The following ATP13A2 variants were observed in gnomAD, a reference collection of about 807,000 sequenced individuals.
ATP13A2 encodes ATPase cation transporting 13A2, also known as polyamine-transporting ATPase 13A2.
In ATP13A2, 83 loss-of-function variants were observed where a neutral mutation model predicts 138.3. The ratio of observed to expected loss-of-function variants is 0.60; its 90% CI spans 0.50 to 0.72. The LOEUF (loss-of-function observed/expected upper bound fraction) is 0.72. Among genes scored for constraint, ATP13A2 ranks in the 30% least tolerant of loss-of-function variants. ATP13A2 has a pLI of 0.00. For synonymous variants in ATP13A2, 663 were observed against 699.0 expected (o/e 0.95, Z 0.81); for missense variants, 1,402 against 1,606.4 (o/e 0.87, Z 2.17).
rs773702054 is a variant in ATP13A2 at position 16,996,473 on chromosome 1, G to C, written c.1219C>G (p.Leu407Val). The change falls in exon 13 of 29, where the codon CTG (leucine) becomes GTG (valine). Residue 407 changes from leucine to valine, a missense_variant. Leu to Val is a conservative substitution (Grantham distance 32). Transcript: ENST00000326735. ...CGGGGGTGCAAGATGGAGCTCACCA[G>C]GCCCCCTTTTGCCGTGCAGAACCCT... is the stretch of plus-strand genomic sequence containing the variant. ...RTGFCTAKGGLVSSILHPRPI... is the reference protein window; with the variant it reads ...RTGFCTAKGGVVSSILHPRPI... 2 of 1,613,928 alleles carry C rather than the reference G, an allele frequency of 1.2e-6. No individual in the cohort carries two copies. Among genetic ancestry groups the C allele is most frequent in the Non-Finnish European group, 1.7e-6 (2 of 1,180,016 alleles).
chr1:16,999,156 A>G (rs530319428), intron 11 of ATP13A2, among the ~76,000 whole-genome samples: 4 of 152,138 alleles, frequency 2.6e-5, no homozygotes, highest in South Asian at 4.1e-4. Context: ...TGGGGCGGGC[A>G]GATCACTTGA....
At chr1:16,994,226 T>A (rs1570809272) in intron 15 of ATP13A2, among the ~76,000 whole-genome samples, 1 of 149,124 alleles carries the variant, frequency 6.7e-6, no homozygotes, top group African/African-American at 2.5e-5. Context: ...TTATTTATTT[T>A]TATTTTTATT....
chr1:16,987,146 C>T lies in ATP13A2; in HGVS notation c.2983G>A (p.Ala995Thr), dbSNP rs761512701. 2 of 1,612,900 alleles carry T rather than the reference C, an allele frequency of 1.2e-6. No homozygotes were observed. The highest frequency in any genetic ancestry group is 1.3e-5 in the African/African-American group (1 of 74,908). ...CTGAGCACGGGCACGCTGAGCAGCG[C>T]CCCCGGTGGCCGCACCCGTCCCAGG... is the stretch of plus-strand genomic sequence containing the variant. ...LVLGRVRPPG[A>T]LLSVPVLSSL... The change falls in exon 26 of 29, where the codon GCG becomes ACG. Residue 995 changes from alanine to threonine, a missense_variant. Transcript: ENST00000326735.
At chr1:16,993,364 C>T (rs749009756) in intron 16 of ATP13A2, among the ~76,000 whole-genome samples, 3 of 152,170 alleles carry the variant, frequency 2.0e-5, no homozygotes, top group Admixed American at 6.5e-5. Context: ...TGCACCACCA[C>T]GCCCGGCTAA....
chr1:16,997,419 G>GGGGGC (rs1557696963), intron 11 of ATP13A2, among the ~76,000 whole-genome samples: 2 of 143,396 alleles, frequency 1.4e-5, no homozygotes, highest in African/African-American at 2.6e-5. Flanking sequence ...ACCAGCGGGG[G>GGGGGC]GGGGTGGGTC....
At chr1:16,987,875 A>C (rs944625681) in intron 25 of ATP13A2, among the ~76,000 whole-genome samples, 3 of 152,018 alleles carry the variant, frequency 2.0e-5, no homozygotes, top group African/African-American at 7.2e-5. Context: ...CAGATTGGGG[A>C]GCTCCCAGAG....
rs533738796 is a variant in ATP13A2 at position 16,992,232 on chromosome 1, T to C, written c.2005+11A>G. 4.3e-6 allele frequency: 7 copies of C among 1,611,776 alleles called. No homozygotes were observed. In the East Asian group the frequency reaches 1.6e-4, roughly 36 times the overall value. On this transcript the variant is annotated intron_variant, in intron 18 of 28. Coordinates refer to ENST00000326735, the MANE Select transcript of ATP13A2 (RefSeq NM_022089.4). ...GCCCAACCAGGGGGACTCAGGGGCT[T>C]CCCCCTGCACCTGTCTCGGGGTTGC...
At chr1:17,000,670 A>T in intron 8 of ATP13A2, 136 bp from the exon 9 acceptor site, 1 of 1,180,750 alleles carries the variant, frequency 8.5e-7, no homozygotes, top group Non-Finnish European at 1.2e-6. Context: ...TCTCCTGGTC[A>T]ATCCCATCCC....
At chr1:17,000,575 C>T in intron 8 of ATP13A2, 41 bp from the exon 9 acceptor site, 1 of 1,599,374 alleles carries the variant, frequency 6.3e-7, no homozygotes, top group Non-Finnish European at 8.5e-7. Flanking sequence ...CCGCGTCCCC[C>T]AGGGCAGCCC....
Position 17,005,400 on chromosome 1 carries a change from G to C in ATP13A2, c.262C>G (p.Leu88Val), listed in dbSNP as rs2077515464. 1 of 1,609,620 alleles carries C rather than the reference G, an allele frequency of 6.2e-7. No homozygotes were observed. Among genetic ancestry groups the C allele is most frequent in the African/African-American group, 1.3e-5 (1 of 74,912 alleles). ...TCTTTGTCTCTTATTTCGATAACGA[G>C]TGTTTCGGCGTGGGCCAGGTTGCAG... ...RPCNLAHAETLVIEIRDKEDS... is the reference protein window; with the variant it reads ...RPCNLAHAETVVIEIRDKEDS... The change falls in exon 3 of 29, where the codon CTC becomes GTC. Residue 88 changes from leucine to valine, a missense_variant. Physicochemically the swap from Leu to Val is conservative, Grantham distance 32. Transcript: ENST00000326735.
Position 16,986,070 on chromosome 1 carries a change from C to T in ATP13A2, c.*151G>A, listed in dbSNP as rs1175105043. On this transcript the variant is annotated 3_prime_UTR_variant, in exon 29 of 29. Transcript: ENST00000326735. This position sits in a 1 kb window ranked among gnomAD's most constrained non-coding sequence, Gnocchi z 6.9. ...AGGTAGGGGACAGTAGTCAACGCTTCCCCAGGGTGGGGGTGGTCTCGGGGG... is the reference window on the plus strand; with the variant it reads ...AGGTAGGGGACAGTAGTCAACGCTTTCCCAGGGTGGGGGTGGTCTCGGGGG... The T allele has an allele frequency of 6.6e-7, 1 of 1,522,400 alleles. No individual in the cohort carries two copies. Among genetic ancestry groups the T allele is most frequent in the East Asian group, 2.4e-5 (1 of 41,274 alleles). 94.3% of individuals were successfully genotyped at this position (1,522,400 alleles called of 1,614,324 possible). A position where few individuals can be genotyped will look rare whatever the true frequency, so the allele number is the denominator to read the frequency against.
chr1:17,010,714 G>A (rs1277206677), intron 1 of ATP13A2, among the ~76,000 whole-genome samples: 2 of 152,212 alleles, frequency 1.3e-5, no homozygotes, highest in Admixed American at 6.5e-5. Context: ...GCTATGAGGG[G>A]CCAAGACTGG....
Position 16,990,231 on chromosome 1 carries a change from G to A in ATP13A2, c.2308C>T (p.Gln770Ter), listed in dbSNP as rs1434991846. 1.2e-6 allele frequency: 2 copies of A among 1,613,910 alleles called. No individual in the cohort carries two copies. Among genetic ancestry groups the A allele is most frequent in the Non-Finnish European group, 1.7e-6 (2 of 1,180,044 alleles). The change falls in exon 21 of 29, where the codon CAG becomes TAG. Residue 770 changes from glutamine to a stop codon, truncating the protein, a stop_gained. Coordinates refer to ENST00000326735, the MANE Select transcript of ATP13A2 (RefSeq NM_022089.4). LOFTEE classifies it high-confidence loss of function. ...GCGTGGACGATGATCAGATGCTCCT[G>A]GGGGGCCACCATGCCACAGCCCCGG... is the stretch of plus-strand genomic sequence containing the variant. ...VARGCGMVAP[Q>*]EHLIIVHATH...
At chr1:16,996,833 C>T (rs1286976917) in intron 12 of ATP13A2, 187 bp downstream of exon 12, 1 of 795,194 alleles carries the variant, frequency 1.3e-6, no homozygotes, top group African/African-American at 1.7e-5. Flanking sequence ...CTTAGTCTGG[C>T]CCAACTTCTG....
At position 16,996,094 on chromosome 1, in the gene ATP13A2, G is replaced by C. The variant is rs2077110139; in HGVS notation, c.1424C>G (p.Ala475Gly). 1 of 1,613,980 alleles carries C rather than the reference G, an allele frequency of 6.2e-7. No individual in the cohort carries two copies. The highest frequency in any genetic ancestry group is 1.7e-5 in the Admixed American group (1 of 60,010). Residue 475 changes from alanine (A) to glycine (G), a missense_variant, in exon 15 of 29, where the codon GCT (alanine) becomes GGT (glycine). Transcript: ENST00000326735. The part of the protein sequence containing the change: ...VTVVVPPALP[A>G]AMTVCTLYAQ... ...GTAGAGCGTGCACACAGTCATGGCA[G>C]CAGGCAGGGCAGGTGGCACCACCAC... is the stretch of plus-strand genomic sequence containing the variant.
In ATP13A2 at chr1:17,011,598, C is replaced by A; in HGVS notation, c.10+131G>T. 1 of 1,211,164 alleles carries A rather than the reference C, an allele frequency of 8.3e-7. No individual in the cohort carries two copies. Among genetic ancestry groups the A allele is most frequent in the Non-Finnish European group, 1.1e-6 (1 of 929,696 alleles). 75.0% of individuals were successfully genotyped at this position (1,211,164 alleles called of 1,614,324 possible). A position where few individuals can be genotyped will look rare whatever the true frequency, so the allele number is the denominator to read the frequency against. ...GGAGGGGACGGGCCAGGATCCCCAACCAGGTCCCGCTTCCTGGGCTCGCGA... is the reference window on the plus strand; with the variant it reads ...GGAGGGGACGGGCCAGGATCCCCAAACAGGTCCCGCTTCCTGGGCTCGCGA... On this transcript the variant is annotated intron_variant, in intron 1 of 28. Transcript: ENST00000326735. The surrounding 1 kb of genome is among the most constrained non-coding windows in gnomAD (Gnocchi z 7.3).
chr1:17,005,570 G>A lies in ATP13A2; in HGVS notation c.106-14C>T, dbSNP rs199706883. Reference sequence around the variant, plus strand: ...GCCGCTGAGCCTCTGCGAACGCAGCGAGAGAGGGCCCAGGTCGGGGTGGGA... The same window carrying A: ...GCCGCTGAGCCTCTGCGAACGCAGCAAGAGAGGGCCCAGGTCGGGGTGGGA... On this transcript the variant is annotated splice_polypyrimidine_tract_variant and intron_variant, in intron 2 of 28. Coordinates refer to ENST00000326735, the MANE Select transcript of ATP13A2 (RefSeq NM_022089.4). 5.6e-4 allele frequency: 903 copies of A among 1,614,214 alleles called. 18 individuals carry two copies. The Admixed American group carries it at 0.014, about 25-fold the overall frequency.
intron 16 of ATP13A2, 31 bp from the exon 17 acceptor site, chr1:16,992,612 G>T: frequency 6.2e-7 from 1 of 1,610,040 alleles, no homozygotes; most frequent in South Asian, 1.1e-5. Context: ...TTTGGTGTCT[G>T]GGGGCTTTGG....
intron 6 of ATP13A2, 39 bp from the exon 7 acceptor site, chr1:17,002,412 G>A: frequency 6.3e-7 from 1 of 1,599,536 alleles, no homozygotes. Flanking sequence ...GGGCCATGGG[G>A]CCTGAGGTCT....
Sources: allele counts gnomAD v4.1 joint callset (sites outside exome capture counted in the v4.1 genomes callset), GRCh38; gene constraint gnomAD v4.1.1; non-coding constraint Gnocchi (gnomAD v3.1); transcripts MANE v1.5; gene names NCBI Gene and HGNC (gene_info 2026-07-23, HGNC 2026-07-21).